Variants in SLC25A48 observed in about 807,000 individuals in gnomAD.
The protein encoded by SLC25A48 is solute carrier family 25 member 48.
SLC25A48 carries 29 observed loss-of-function variants against 32.2 expected under a neutral mutation model. The ratio of observed to expected loss-of-function variants is 0.90; its 90% CI spans 0.67 to 1.23. SLC25A48 has a LOEUF of 1.23. Ranked by LOEUF, SLC25A48 falls within the 50% of genes most tolerant of loss-of-function variation. SLC25A48 has a pLI of 0.00. For missense variants in SLC25A48, 399 were observed against 422.7 expected (o/e 0.94, Z 0.49); for synonymous variants, 164 against 172.3 (o/e 0.95, Z 0.38).
intron 3 of SLC25A48, among the ~76,000 whole-genome samples, chr5:135,772,687 A>G (rs1756445119): frequency 1.3e-5 from 2 of 151,422 alleles, no homozygotes; most frequent in African/African-American, 4.8e-5. Flanking sequence ...TCCCTGTAAT[A>G]TTGTTTGTAA....
At chr5:135,880,132 C>T in intron 7 of SLC25A48, 35 bp downstream of exon 7, 1 of 1,504,618 alleles carries the variant, frequency 6.6e-7, no homozygotes. Context: ...ATTGTGCCTC[C>T]CAGGAACTTG....
chr5:135,618,733 C>T (rs1341798103), intron 1 of SLC25A48, among the ~76,000 whole-genome samples: 4 of 152,056 alleles, frequency 2.6e-5, no homozygotes, highest in Non-Finnish European at 4.4e-5. Context: ...GACTTAATCT[C>T]TCCTTCATTT....
intron 4 of SLC25A48, among the ~76,000 whole-genome samples, chr5:135,865,414 G>A (rs1303838894): frequency 6.6e-6 from 1 of 152,166 alleles, no homozygotes; most frequent in Non-Finnish European, 1.5e-5. Context: ...CTGTCTGCTG[G>A]AGGATGTACA....
At chr5:135,795,787 A>T (rs1029601682) in intron 3 of SLC25A48, among the ~76,000 whole-genome samples, 10 of 150,688 alleles carry the variant, frequency 6.6e-5, no homozygotes, top group African/African-American at 2.5e-4. Context: ...CTGGTGGTGT[A>T]GACTCCCCTG....
intron 3 of SLC25A48, among the ~76,000 whole-genome samples, chr5:135,852,358 C>T (rs897046297): frequency 5.9e-5 from 9 of 152,218 alleles, no homozygotes; most frequent in African/African-American, 2.2e-4. Flanking sequence ...AACAAAGCGG[C>T]CTGCAGAAGC....
intron 3 of SLC25A48, among the ~76,000 whole-genome samples, chr5:135,749,896 C>T (rs1280351332): frequency 1.3e-5 from 2 of 152,010 alleles, no homozygotes; most frequent in African/African-American, 2.4e-5. Flanking sequence ...CGGCCAGGAC[C>T]GCTTCTTAAG....
chr5:135,646,600 A>ATT (rs1253636467), intron 3 of SLC25A48, among the ~76,000 whole-genome samples: 1 of 147,018 alleles, frequency 6.8e-6, no homozygotes, highest in Non-Finnish European at 1.5e-5. Context: ...GTATATACTC[A>ATT]TTATATATAT....
intron 4 of SLC25A48, among the ~76,000 whole-genome samples, chr5:135,829,359 C>T (rs1758146147): frequency 1.3e-5 from 2 of 152,194 alleles, no homozygotes; most frequent in South Asian, 2.1e-4. Flanking sequence ...GCCTGGCCTT[C>T]AGTCAGGCGG....
intron 3 of SLC25A48, among the ~76,000 whole-genome samples, chr5:135,690,167 C>T (rs1207044951): frequency 6.6e-6 from 1 of 152,178 alleles, no homozygotes; most frequent in African/African-American, 2.4e-5. Context: ...AGTAAACCTC[C>T]CTATGCCTCC....
chr5:135,836,587 C>T lies in SLC25A48; in HGVS notation c.46+1694C>T, dbSNP rs1320243938. 2.0e-5 allele frequency among the ~76,000 whole-genome samples: 3 copies of T among 152,162 alleles called. No homozygotes were observed. The East Asian group carries it at 5.8e-4, about 29-fold the overall frequency. ...CCATAAATTTGTTTTAGAACATTTTCATCCCCCAGTAAGATCCCTCATTTG... is the reference window on the plus strand; with the variant it reads ...CCATAAATTTGTTTTAGAACATTTTTATCCCCCAGTAAGATCCCTCATTTG... On this transcript the variant is annotated intron_variant, in intron 1 of 7. Transcript: ENST00000681962.
intron 1 of SLC25A48, among the ~76,000 whole-genome samples, chr5:135,620,554 C>T (rs577669318): frequency 5.3e-5 from 8 of 152,210 alleles, no homozygotes; most frequent in East Asian, 3.9e-4. Flanking sequence ...ATACTTCAGC[C>T]CCGCAGCAGA....
rs1279817478 is a variant in SLC25A48 at position 135,694,651 on chromosome 5, G to A, written c.-521+59695G>A. On this transcript the variant is annotated intron_variant, in intron 3 of 10. Coordinates refer to the SLC25A48 transcript ENST00000646290. Reference sequence around the variant, plus strand: ...TTGCCTGTCACTCAGGCTGGAGAGCGGTGGCATGATCTTGGCTCACTGCAA... The same window carrying A: ...TTGCCTGTCACTCAGGCTGGAGAGCAGTGGCATGATCTTGGCTCACTGCAA... 2.6e-5 allele frequency among the ~76,000 whole-genome samples: 4 copies of A among 151,736 alleles called. No individual in the cohort carries two copies. In the East Asian group the frequency reaches 5.8e-4, roughly 22 times the overall value.
chr5:135,888,238 C>A lies in SLC25A48; in HGVS notation c.*214C>A. 1 of 611,654 alleles carries A rather than the reference C, an allele frequency of 1.6e-6. No individual in the cohort carries two copies. The highest frequency in any genetic ancestry group is 2.8e-6 in the Non-Finnish European group (1 of 355,536). 37.9% of individuals were successfully genotyped at this position (611,654 alleles called of 1,614,324 possible). ...TCAAGCCCTCCAAGGTTCTGATCCCCAATGCCCACTCTGCTAGGCTGGCAT... is the reference window on the plus strand; with the variant it reads ...TCAAGCCCTCCAAGGTTCTGATCCCAAATGCCCACTCTGCTAGGCTGGCAT... On this transcript the variant is annotated 3_prime_UTR_variant, in exon 8 of 8. Transcript: ENST00000681962.
chr5:135,584,927 G>A (rs1386088243), intron 1 of SLC25A48, among the ~76,000 whole-genome samples: 1 of 152,252 alleles, frequency 6.6e-6, no homozygotes. Flanking sequence ...TTGTTGTAAA[G>A]CTTCTCTCCT....
At chr5:135,654,282 T>G (rs1753191361) in intron 3 of SLC25A48, among the ~76,000 whole-genome samples, 1 of 152,200 alleles carries the variant, frequency 6.6e-6, no homozygotes, top group Non-Finnish European at 1.5e-5. Flanking sequence ...CCCCCAGTCT[T>G]GCAAGGTATG....
chr5:135,870,929 T>C (rs1355330515), intron 4 of SLC25A48, among the ~76,000 whole-genome samples: 1 of 151,526 alleles, frequency 6.6e-6, no homozygotes, highest in Non-Finnish European at 1.5e-5. Flanking sequence ...TTATAGATTT[T>C]AAATTTTATG....
intron 3 of SLC25A48, among the ~76,000 whole-genome samples, chr5:135,770,496 C>G (rs968092450): frequency 6.6e-6 from 1 of 151,224 alleles, no homozygotes; most frequent in African/African-American, 2.4e-5. Context: ...TCAATGTCGC[C>G]GAGGTTGCAC....
At chr5:135,595,561 T>A (rs1751630088) in intron 1 of SLC25A48, among the ~76,000 whole-genome samples, 1 of 152,216 alleles carries the variant, frequency 6.6e-6, no homozygotes, top group African/African-American at 2.4e-5. Flanking sequence ...TGGGTAGACA[T>A]AACATTCATG....
At chr5:135,839,596 C>T (rs562837887) in intron 1 of SLC25A48, among the ~76,000 whole-genome samples, 48 of 152,162 alleles carry the variant, frequency 3.2e-4, no homozygotes, top group African/African-American at 1.0e-3. Flanking sequence ...GACTTTGGGG[C>T]GCCGTTGGGA....
Sources: allele counts gnomAD v4.1 joint callset (sites outside exome capture counted in the v4.1 genomes callset), GRCh38; gene constraint gnomAD v4.1.1; transcripts MANE v1.5; gene names NCBI Gene and HGNC (gene_info 2026-07-23, HGNC 2026-07-21).